The following ZNF628 variants were observed in gnomAD, a reference collection of about 807,000 sequenced individuals.
ZNF628 encodes the protein zinc finger protein Zec.
ZNF628 carries 3 observed loss-of-function variants against 2.5 expected under a neutral mutation model. That is an observed-to-expected ratio of 1.19 (90% CI 0.54 to 3.07). The LOEUF is 3.07. Among genes scored for constraint, ZNF628 ranks in the 30% most tolerant of loss-of-function variants. ZNF628 has a pLI of 0.03. For missense variants in ZNF628, 1,610 were observed against 1,517.1 expected (o/e 1.06, Z -1.02); for synonymous variants, 861 against 717.1 (o/e 1.20, Z -3.21).
At position 55,482,191 on chromosome 19, in the gene ZNF628, C is replaced by A; in HGVS notation, c.998C>A (p.Pro333His). The A allele has an allele frequency of 6.7e-7, 1 of 1,490,650 alleles. No homozygotes were observed. 92.3% of individuals were successfully genotyped at this position (1,490,650 alleles called of 1,614,324 possible). A position where few individuals can be genotyped will look rare whatever the true frequency, so the allele number is the denominator to read the frequency against. The change falls in exon 3 of 3, where the codon CCC (proline) becomes CAC (histidine). Residue 333 changes from proline (P) to histidine (H), a missense_variant. Around this residue, in one of 5 missense-constraint regions of ZNF628, gnomAD observed 651 missense variants for 575.6 expected, o/e 1.13. Coordinates refer to ENST00000598519, the MANE Select transcript of ZNF628 (RefSeq NM_033113.3). Reference protein sequence around the residue: ...PQPQEAPAEAPKADQPPSPLP... With the variant: ...PQPQEAPAEAHKADQPPSPLP... ...CCCCAGGAGGCACCCGCCGAGGCGC[C>A]CAAGGCCGACCAGCCACCGTCCCCT... is the stretch of plus-strand genomic sequence containing the variant.
At position 55,481,595 on chromosome 19, in the gene ZNF628, C is replaced by T. The variant is rs1261811659; in HGVS notation, c.402C>T (p.His134=). 5 of 1,609,692 alleles carry T rather than the reference C, an allele frequency of 3.1e-6. No individual in the cohort carries two copies. The highest frequency in any genetic ancestry group is 1.1e-5 in the South Asian group (1 of 90,590). ...QCGLAFKWSS[H]YQYHLRQHTG... ...GCCTGGCCTTCAAGTGGTCGTCCCA[C>T]TACCAGTACCACTTAAGGCAGCACA... The change falls in exon 3 of 3, where the codon CAC becomes CAT. Residue 134 remains histidine (H), a synonymous_variant. Transcript: ENST00000598519.
chr19:55,484,163 C>T lies in ZNF628; in HGVS notation c.2970C>T (p.Asn990=). The stretch of plus-strand genomic sequence containing the variant: ...CCACTGAGCTGCTGGACAGCAGCAA[C>T]ACTGGAGGAGGCACCGCCACGCTGC... The part of the protein sequence containing the change: ...APATELLDSS[N]TGGGTATLQL... The change falls in exon 3 of 3, where the codon AAC becomes AAT. Residue 990 remains asparagine (N), a synonymous_variant. Transcript: ENST00000598519. The T allele has an allele frequency of 6.4e-7, 1 of 1,572,276 alleles. No homozygotes were observed. The highest frequency in any genetic ancestry group is 8.6e-7 in the Non-Finnish European group (1 of 1,160,204).
chr19:55,483,690 C>T lies in ZNF628; in HGVS notation c.2497C>T (p.Gln833Ter). The change falls in exon 3 of 3, where the codon CAG (glutamine) becomes TAG (stop). Residue 833 changes from glutamine to a stop codon, truncating the protein, a stop_gained. Transcript: ENST00000598519. LOFTEE classifies it low-confidence loss of function (END_TRUNC). Reference sequence around the variant, plus strand: ...ACCAGCCCCAGAAGTAACCACGGTCCAGCTCCAGCCAGCGCAGGAGGTGAC... The same window carrying T: ...ACCAGCCCCAGAAGTAACCACGGTCTAGCTCCAGCCAGCGCAGGAGGTGAC... Reference protein sequence around the residue: ...LRPAPEVTTVQLQPAQEVTTV... With the variant: ...LRPAPEVTTV 1 of 1,613,592 alleles carries T rather than the reference C, an allele frequency of 6.2e-7. No homozygotes were observed. Among genetic ancestry groups the T allele is most frequent in the Non-Finnish European group, 8.5e-7 (1 of 1,179,836 alleles).
In ZNF628 at chr19:55,483,198, G is replaced by T; in HGVS notation, c.2005G>T (p.Ala669Ser). 2 of 1,545,874 alleles carry T rather than the reference G, an allele frequency of 1.3e-6. No homozygotes were observed. The highest frequency in any genetic ancestry group is 1.7e-6 in the Non-Finnish European group (2 of 1,152,878). The part of the protein sequence containing the change: ...GPQPPAPLAA[A>S]RAPPATQDVH... ...CCAGCCCCCTGCTCCACTGGCTGCT[G>T]CGCGGGCCCCGCCAGCCACCCAAGA... The change falls in exon 3 of 3, where the codon GCG becomes TCG. Residue 669 changes from alanine (A) to serine (S), a missense_variant. Transcript: ENST00000598519.
intron 1 of ZNF628, among the ~76,000 whole-genome samples, chr19:55,477,359 T>G (rs75072500): frequency 0.72 from 108,398 of 149,868 alleles, 39,811 homozygotes; most frequent in African/African-American, 0.79. Flanking sequence ...GTTTGTTTTT[T>G]TTTTTTTTTT....
intron 2 of ZNF628, 102 bp from the exon 3 acceptor site, chr19:55,481,099 C>A: frequency 7.1e-7 from 1 of 1,410,046 alleles, no homozygotes; most frequent in Non-Finnish European, 9.3e-7. Context: ...AAGTGGGTGA[C>A]CTGGGGAGGT....
In ZNF628 at chr19:55,483,807, G is replaced by C; in HGVS notation, c.2614G>C (p.Gly872Arg). The change falls in exon 3 of 3, where the codon GGC (glycine) becomes CGC (arginine). Residue 872 changes from glycine (G) to arginine (R), a missense_variant. Coordinates refer to ENST00000598519, the MANE Select transcript of ZNF628 (RefSeq NM_033113.3). ...CACGGTCCAGCTCCAGCCCGTGGCC[G>C]GCCAGCTCTCCAATTCCAGTGGGGG... ...VTTVQLQPVA[G>R]QLSNSSGGAV... 6.2e-7 allele frequency: 1 copy of C among 1,613,730 alleles called. No individual in the cohort carries two copies. Among genetic ancestry groups the C allele is most frequent in the South Asian group, 1.1e-5 (1 of 91,078 alleles).
rs756425202 is a variant in ZNF628 at position 55,481,337 on chromosome 19, G to T, written c.144G>T (p.Ser48=). The change falls in exon 3 of 3, where the codon TCG becomes TCT. Residue 48 remains serine, a synonymous_variant. Transcript: ENST00000598519. Reference sequence around the variant, plus strand: ...AGTGTGGCAAGTCATTCCGGTGGTCGTCCCGGCTCCTGCACCACCAGCGCA... The same window carrying T: ...AGTGTGGCAAGTCATTCCGGTGGTCTTCCCGGCTCCTGCACCACCAGCGCA... ...CGECGKSFRW[S]SRLLHHQRTH... The T allele has an allele frequency of 1.2e-6, 2 of 1,612,132 alleles. No homozygotes were observed. The highest frequency in any genetic ancestry group is 2.2e-5 in the East Asian group (1 of 44,850).
In ZNF628 at chr19:55,481,260, G is replaced by A; in HGVS notation, c.67G>A (p.Glu23Lys). The A allele has an allele frequency of 1.3e-6, 2 of 1,587,910 alleles. No homozygotes were observed. Among genetic ancestry groups the A allele is most frequent in the Non-Finnish European group, 1.7e-6 (2 of 1,169,438 alleles). The change falls in exon 3 of 3, where the codon GAG becomes AAG. Residue 23 changes from glutamate to lysine, a missense_variant. By Grantham distance (56) the Glu-to-Lys change is moderately conservative. Transcript: ENST00000598519. ...APASTAEGAG[E>K]KPGPAAPAPA... The stretch of plus-strand genomic sequence containing the variant: ...GGCCTCTACTGCGGAGGGGGCCGGG[G>A]AGAAGCCAGGCCCTGCGGCCCCTGC...
chr19:55,482,371 G>C lies in ZNF628; in HGVS notation c.1178G>C (p.Gly393Ala), dbSNP rs754336293. The C allele has an allele frequency of 2.8e-6, 4 of 1,430,544 alleles. No homozygotes were observed. In the South Asian group the frequency reaches 5.5e-5, roughly 19 times the overall value. The allele number at this position is 1,430,544 out of a possible 1,614,324, so 88.6% of individuals were successfully genotyped here. A position where few individuals can be genotyped will look rare whatever the true frequency, so the allele number is the denominator to read the frequency against. The change falls in exon 3 of 3, where the codon GGC becomes GCC. Residue 393 changes from glycine to alanine, a missense_variant. Physicochemically the swap from Gly to Ala is moderately conservative, Grantham distance 60. This residue lies in a region of ZNF628 where 651 missense variants were observed against 575.6 expected (regional missense o/e 1.13). Transcript: ENST00000598519. ...GQAFRCGSCD[G>A]SFPQLASLLA... ...GCGTTCCGCTGCGGCAGCTGCGACGGCTCCTTCCCGCAGCTGGCCAGCCTC... is the reference window on the plus strand; with the variant it reads ...GCGTTCCGCTGCGGCAGCTGCGACGCCTCCTTCCCGCAGCTGGCCAGCCTC...
In ZNF628 at chr19:55,482,843, G is replaced by A. The variant is rs751531003; in HGVS notation, c.1650G>A (p.Thr550=). ...AGTGTGGCAAGGCCTTCCGCAACAC[G>A]TCGTGCCTGCGTCGCCACCGCCACG... ...CGECGKAFRN[T]SCLRRHRHVH... is the part of the protein sequence containing the mutation. Residue 550 remains threonine, a synonymous_variant, in exon 3 of 3, where the codon ACG becomes ACA. Coordinates refer to ENST00000598519, the MANE Select transcript of ZNF628 (RefSeq NM_033113.3). 5 of 1,602,606 alleles carry A rather than the reference G, an allele frequency of 3.1e-6. No individual in the cohort carries two copies. Among genetic ancestry groups the A allele is most frequent in the Non-Finnish European group, 3.4e-6 (4 of 1,172,454 alleles).
chr19:55,484,162 A>G lies in ZNF628; in HGVS notation c.2969A>G (p.Asn990Ser). The G allele has an allele frequency of 1.3e-6, 2 of 1,572,442 alleles. No homozygotes were observed. The highest frequency in any genetic ancestry group is 1.2e-5 in the South Asian group (1 of 85,468). ...GCCACTGAGCTGCTGGACAGCAGCA[A>G]CACTGGAGGAGGCACCGCCACGCTG... ...APATELLDSS[N>S]TGGGTATLQL... Residue 990 changes from asparagine to serine, a missense_variant, in exon 3 of 3, where the codon AAC becomes AGC. Asn to Ser is a conservative substitution (Grantham distance 46). Coordinates refer to ENST00000598519, the MANE Select transcript of ZNF628 (RefSeq NM_033113.3).
rs755879471 is a variant in ZNF628, at chr19:55,482,523, C to A, written c.1330C>A (p.Pro444Thr). 9 of 1,505,768 alleles carry A rather than the reference C, an allele frequency of 6.0e-6. No homozygotes were observed. The African/African-American group carries it at 1.1e-4, about 19-fold the overall frequency. The allele number at this position is 1,505,768 out of a possible 1,614,324, so 93.3% of individuals were successfully genotyped here. A position where few individuals can be genotyped will look rare whatever the true frequency, so the allele number is the denominator to read the frequency against. Residue 444 changes from proline to threonine, a missense_variant, in exon 3 of 3, where the codon CCG becomes ACG. This residue lies in a region of ZNF628 where 651 missense variants were observed against 575.6 expected (regional missense o/e 1.13). Coordinates refer to ENST00000598519, the MANE Select transcript of ZNF628 (RefSeq NM_033113.3). ...APAAPVPPPP[P>T]SAPASAERPY... ...TGCCGCCCCCGTCCCGCCGCCACCC[C>A]CGTCCGCCCCCGCTTCTGCGGAGCG...
rs752028788 is a variant in ZNF628 at position 55,482,571 on chromosome 19, G to C, written c.1378G>C (p.Gly460Arg). The C allele has an allele frequency of 3.1e-6, 5 of 1,596,182 alleles. No homozygotes were observed. The highest frequency in any genetic ancestry group is 4.3e-6 in the Non-Finnish European group (5 of 1,175,184). ...GCGGCCCTACAAATGTGCCGAGTGC[G>C]GCAAGTCCTTCAAGGGCTCCTCCGG... ...AERPYKCAEC[G>R]KSFKGSSGLR... Residue 460 changes from glycine (G) to arginine (R), a missense_variant, in exon 3 of 3, where the codon GGC becomes CGC. This residue lies in a region of ZNF628 where 651 missense variants were observed against 575.6 expected (regional missense o/e 1.13). Coordinates refer to ENST00000598519, the MANE Select transcript of ZNF628 (RefSeq NM_033113.3).
Position 55,479,690 on chromosome 19 carries a change from C to G in ZNF628, c.-77-144C>G, listed in dbSNP as rs75668391. Reference sequence around the variant, plus strand: ...CACTAGATGCCAGGAGCACTTGCCTCTCTAGTTAACAGATAACCCCAAATG... The same window carrying G: ...CACTAGATGCCAGGAGCACTTGCCTGTCTAGTTAACAGATAACCCCAAATG... On this transcript the variant is annotated intron_variant, in intron 1 of 2. Coordinates refer to ENST00000598519, the MANE Select transcript of ZNF628 (RefSeq NM_033113.3). This position sits in a 1 kb window ranked among gnomAD's most constrained non-coding sequence, Gnocchi z 5.1. The G allele has an allele frequency of 4.2e-4, 159 of 375,438 alleles. No individual in the cohort carries two copies. The highest frequency in any genetic ancestry group is 3.0e-3 in the African/African-American group (144 of 48,208). The allele number at this position is 375,438 out of a possible 1,614,324, so 23.3% of individuals were successfully genotyped here.
chr19:55,480,124 A>T (rs1044563098), intron 2 of ZNF628, among the ~76,000 whole-genome samples: 1 of 151,864 alleles, frequency 6.6e-6, no homozygotes, highest in African/African-American at 2.4e-5. Flanking sequence ...GGCGCGCTGG[A>T]TGGTAGATGG....
At position 55,483,419 on chromosome 19, in the gene ZNF628, C is replaced by T. The variant is rs1006906004; in HGVS notation, c.2226C>T (p.Leu742=). Residue 742 remains leucine, a synonymous_variant, in exon 3 of 3, where the codon CTC becomes CTT. Coordinates refer to ENST00000598519, the MANE Select transcript of ZNF628 (RefSeq NM_033113.3). The part of the protein sequence containing the change: ...TPPPPPAPPK[L]ILLPSSSAGA... The stretch of plus-strand genomic sequence containing the variant: ...CGCCCCCTCCCGCACCTCCCAAGCT[C>T]ATCCTGCTGCCCTCCTCCAGTGCTG... 1 of 1,522,672 alleles carries T rather than the reference C, an allele frequency of 6.6e-7. No homozygotes were observed. The highest frequency in any genetic ancestry group is 2.4e-5 in the East Asian group (1 of 41,404). 94.3% of individuals were successfully genotyped at this position (1,522,672 alleles called of 1,614,324 possible). A position where few individuals can be genotyped will look rare whatever the true frequency, so the allele number is the denominator to read the frequency against.
chr19:55,482,527 C>A lies in ZNF628; in HGVS notation c.1334C>A (p.Ser445Tyr). ...GCCCCCGTCCCGCCGCCACCCCCGT[C>A]CGCCCCCGCTTCTGCGGAGCGGCCC... Reference protein sequence around the residue: ...PAAPVPPPPPSAPASAERPYK... With the variant: ...PAAPVPPPPPYAPASAERPYK... The change falls in exon 3 of 3, where the codon TCC (serine) becomes TAC (tyrosine). Residue 445 changes from serine to tyrosine, a missense_variant. Transcript: ENST00000598519. The A allele has an allele frequency of 1.3e-6, 2 of 1,500,694 alleles. No homozygotes were observed. Among genetic ancestry groups the A allele is most frequent in the Non-Finnish European group, 1.8e-6 (2 of 1,125,608 alleles). The allele number at this position is 1,500,694 out of a possible 1,614,324, so 93.0% of individuals were successfully genotyped here. A position where few individuals can be genotyped will look rare whatever the true frequency, so the allele number is the denominator to read the frequency against.
Position 55,479,046 on chromosome 19 carries a change from G to A in ZNF628, c.-77-788G>A, listed in dbSNP as rs1397913907. ...CCTGGAGTCATTGTTCATAGACAGT[G>A]GAGTCCTGAGAGTGGGTGGGGGCTC... is the stretch of plus-strand genomic sequence containing the variant. On this transcript the variant is annotated intron_variant, in intron 1 of 2. Transcript: ENST00000598519. This position sits in a 1 kb window ranked among gnomAD's most constrained non-coding sequence, Gnocchi z 5.1. 6.6e-6 allele frequency among the ~76,000 whole-genome samples: 1 copy of A among 152,188 alleles called. No homozygotes were observed. The highest frequency in any genetic ancestry group is 1.5e-5 in the Non-Finnish European group (1 of 68,038).
Sources: gnomAD v4.1 joint callset for allele counts (sites outside exome capture counted in the v4.1 genomes callset) on GRCh38, gnomAD v4.1.1 for gene constraint, gnomAD v4.1.1 regional missense constraint, Gnocchi (gnomAD v3.1) non-coding constraint, MANE v1.5 for transcripts, NCBI Gene and HGNC (gene_info 2026-07-23, HGNC 2026-07-21) for gene names.